Variants in NAALADL2 observed in about 807,000 individuals in gnomAD.
NAALADL2 encodes the protein inactive N-acetylated-alpha-linked acidic dipeptidase-like protein 2.
In NAALADL2, 76 loss-of-function variants were observed where a neutral mutation model predicts 87.2. The ratio of observed to expected loss-of-function variants is 0.87; its 90% CI spans 0.72 to 1.05. The LOEUF (loss-of-function observed/expected upper bound fraction) is 1.05. Among genes scored for constraint, NAALADL2 ranks in the 50% least tolerant of loss-of-function variants. The pLI, the probability that NAALADL2 is intolerant of heterozygous loss-of-function variation, is 0.00. For synonymous variants in NAALADL2, 354 were observed against 331.0 expected (o/e 1.07, Z -0.75); for missense variants, 1,089 against 945.8 (o/e 1.15, Z -1.99).
chr3:175,435,887 A>C (rs995711942), intron 5 of NAALADL2, among the ~76,000 whole-genome samples: 2 of 149,740 alleles, frequency 1.3e-5, no homozygotes, highest in Admixed American at 6.7e-5. Context: ...TTTAGGGTAC[A>C]TGTGCACATT....
rs552300981 is a variant in NAALADL2, at chr3:175,735,366, A to G, written c.1897-1940A>G. On this transcript the variant is annotated intron_variant, in intron 11 of 13. Coordinates refer to ENST00000454872, the MANE Select transcript of NAALADL2 (RefSeq NM_207015.3). ...TTTCTGAGCCCTCCAAACTGTTCCA[A>G]TGTCTCCCTATTTCCCAGTTCCAAA... Among the ~76,000 whole-genome samples the G allele has an allele frequency of 2.8e-3, 423 of 152,200 alleles. 1 individual carries two copies. The highest frequency in any genetic ancestry group is 9.2e-3 in the African/African-American group (380 of 41,514).
rs916673834 is a variant in NAALADL2 at position 175,365,189 on chromosome 3, AT to A, written c.1090+40868del. On this transcript the variant is annotated intron_variant, in intron 5 of 13. Transcript: ENST00000454872. Reference sequence around the variant, plus strand: ...TATATCAGATAATTATACTGTAAACATTTTCAATAAGTCTCTAAATTTTAGT... The same window carrying A: ...TATATCAGATAATTATACTGTAAACATTTCAATAAGTCTCTAAATTTTAGT... Among the ~76,000 whole-genome samples the A allele has an allele frequency of 1.2e-4, 18 of 147,638 alleles. 1 individual carries two copies. Among genetic ancestry groups the A allele is most frequent in the South Asian group, 4.5e-4 (2 of 4,486 alleles).
At chr3:175,062,546 T>G (rs2109089530) in intron 1 of NAALADL2, among the ~76,000 whole-genome samples, 1 of 150,656 alleles carries the variant, frequency 6.6e-6, no homozygotes, top group South Asian at 2.1e-4. Flanking sequence ...GAATGACATT[T>G]GAAATGCCCA....
chr3:174,803,175 C>T (rs1220633916), intron 3 of NAALADL2, among the ~76,000 whole-genome samples: 1 of 152,170 alleles, frequency 6.6e-6, no homozygotes, highest in Non-Finnish European at 1.5e-5. Context: ...GCCATTCTAA[C>T]TGACATGAGA....
rs138569644 is a variant in NAALADL2, at chr3:174,533,424, T to C, written c.-183-17145T>C. ...CTGTTTTCTCTTCTCTGTTAATCTC[T>C]ATTGGCTCTCAAAAGCTACAGCTCC... On this transcript the variant is annotated intron_variant, in intron 1 of 3. Coordinates refer to the NAALADL2 transcript ENST00000434257. Among the ~76,000 whole-genome samples, 224 of 152,292 alleles carry C rather than the reference T, an allele frequency of 1.5e-3. 4 individuals are homozygous for C. The highest frequency in any genetic ancestry group is 0.01 in the Middle Eastern group (3 of 294).
intron 2 of NAALADL2, among the ~76,000 whole-genome samples, chr3:174,607,074 T>C (rs1210563581): frequency 6.6e-6 from 1 of 152,048 alleles, no homozygotes; most frequent in Non-Finnish European, 1.5e-5. Flanking sequence ...CTAAGCTTCA[T>C]AAGTGAAGGA....
rs552115792 is a variant in NAALADL2 at position 175,559,252 on chromosome 3, A to C, written c.1654-16789A>C. ...TTTGCTGTTGGCATATAGAAATGCT[A>C]CTAATTTTTGTATGTTAGTTATTTA... is the stretch of plus-strand genomic sequence containing the variant. On this transcript the variant is annotated intron_variant, in intron 9 of 13. Coordinates refer to ENST00000454872, the MANE Select transcript of NAALADL2 (RefSeq NM_207015.3). Among the ~76,000 whole-genome samples the C allele has an allele frequency of 3.3e-3, 494 of 150,038 alleles. 5 individuals carry two copies. Among genetic ancestry groups the C allele is most frequent in the African/African-American group, 0.011 (463 of 41,128 alleles).
chr3:175,760,326 C>T (rs759658137), intron 13 of NAALADL2, among the ~76,000 whole-genome samples: 25 of 152,228 alleles, frequency 1.6e-4, no homozygotes, highest in South Asian at 4.1e-4. Flanking sequence ...TTTCTAAAGT[C>T]ATTTCCAGCT....
chr3:175,380,653 A>C (rs1297059044), intron 5 of NAALADL2, among the ~76,000 whole-genome samples: 1 of 152,196 alleles, frequency 6.6e-6, no homozygotes, highest in Non-Finnish European at 1.5e-5. Flanking sequence ...CCTTTTTTCT[A>C]GATAGGCAGA....
chr3:175,211,532 A>T (rs1741764048), intron 2 of NAALADL2, among the ~76,000 whole-genome samples: 1 of 151,948 alleles, frequency 6.6e-6, no homozygotes, highest in Non-Finnish European at 1.5e-5. Flanking sequence ...AAACACTTAC[A>T]TATTTTACTT....
intron 2 of NAALADL2, among the ~76,000 whole-genome samples, chr3:174,695,329 G>T (rs1047852161): frequency 1.3e-5 from 2 of 151,948 alleles, no homozygotes; most frequent in Non-Finnish European, 1.5e-5. Context: ...AATGGCAGAT[G>T]AAATAGTAGA....
intron 3 of NAALADL2, among the ~76,000 whole-genome samples, chr3:174,787,594 T>TGTATAC (rs1716874877): frequency 4.6e-5 from 3 of 65,910 alleles, no homozygotes; most frequent in African/African-American, 1.6e-4. Flanking sequence ...TATATATATA[T>TGTATAC]ATATATATAT....
At chr3:174,463,632 G>T (rs1214255143) in intron 1 of NAALADL2, among the ~76,000 whole-genome samples, 2 of 126,844 alleles carry the variant, frequency 1.6e-5, no homozygotes, top group African/African-American at 3.1e-5. Context: ...ACGGAGTCTC[G>T]CTCTGTCACC....
chr3:175,058,847 G>A (rs556274814), intron 1 of NAALADL2, among the ~76,000 whole-genome samples: 2 of 152,162 alleles, frequency 1.3e-5, no homozygotes, highest in Admixed American at 6.5e-5. Context: ...TGTTTTCTTC[G>A]GGCTGTCTAA....
At chr3:175,636,308 G>C (rs1394950399) in intron 11 of NAALADL2, among the ~76,000 whole-genome samples, 1 of 152,000 alleles carries the variant, frequency 6.6e-6, no homozygotes, top group Non-Finnish European at 1.5e-5. Context: ...CAATTGATTG[G>C]ATTTGACAGA....
intron 1 of NAALADL2, among the ~76,000 whole-genome samples, chr3:174,968,650 T>C (rs1415588974): frequency 6.6e-6 from 1 of 152,084 alleles, no homozygotes; most frequent in Non-Finnish European, 1.5e-5. Context: ...CAGCTAATTT[T>C]TGTATTTTTA....
intron 1 of NAALADL2, among the ~76,000 whole-genome samples, chr3:174,954,211 C>G (rs530349513): frequency 3.9e-5 from 6 of 152,144 alleles, no homozygotes; most frequent in African/African-American, 1.4e-4. Context: ...TTTTACTGAG[C>G]CTGGCATCAA....
At chr3:175,623,471 G>A (rs10936864) in intron 10 of NAALADL2, among the ~76,000 whole-genome samples, 112,612 of 151,506 alleles carry the variant, frequency 0.74, 42,431 homozygotes, top group East Asian at 0.88. Context: ...TAGTGTGATA[G>A]TTGTTGGATC....
intron 3 of NAALADL2, among the ~76,000 whole-genome samples, chr3:174,767,828 TAG>T (rs1205929297): frequency 1.1e-4 from 17 of 152,212 alleles, no homozygotes; most frequent in Admixed American, 6.5e-5. Context: ...AAGTTCCTCA[TAG>T]AGAGTTGAAT....
Sources: allele counts gnomAD v4.1 joint callset (sites outside exome capture counted in the v4.1 genomes callset), GRCh38; gene constraint gnomAD v4.1.1; transcripts MANE v1.5; gene names NCBI Gene and HGNC (gene_info 2026-07-23, HGNC 2026-07-21).